Variants in ULK4 observed in about 807,000 individuals in gnomAD.
ULK4 encodes the protein inactive serine/threonine-protein kinase ULK4.
In ULK4, 133 loss-of-function variants were observed where a neutral mutation model predicts 160.6. The observed-to-expected ratio is 0.83, with a 90% CI of 0.72 to 0.96. The LOEUF (loss-of-function observed/expected upper bound fraction) is 0.96. ULK4 is among the 40% of genes least tolerant of loss of function. ULK4 has a pLI of 0.00. For missense variants in ULK4, 1,580 were observed against 1,499.5 expected, an observed-to-expected ratio of 1.05 and a Z score of -0.89; for synonymous variants, 534 against 539.8, an observed-to-expected ratio of 0.99 and a Z score of 0.15.
chr3:41,906,133 C>A (rs570720800), intron 12 of ULK4, among the ~76,000 whole-genome samples: 5 of 150,092 alleles, frequency 3.3e-5, no homozygotes, highest in African/African-American at 1.2e-4. Context: ...GGGAGAATGG[C>A]GTGAACCCGG....
chr3:41,444,420 T>A (rs1408639667), intron 34 of ULK4, among the ~76,000 whole-genome samples: 1 of 151,798 alleles, frequency 6.6e-6, no homozygotes, highest in Non-Finnish European at 1.5e-5. Context: ...TTACAGATAC[T>A]ATGTCTCATA....
intron 27 of ULK4, 124 bp downstream of exon 27, chr3:41,704,933 G>C (rs1328724904): frequency 4.9e-5 from 32 of 656,460 alleles, no homozygotes; most frequent in Non-Finnish European, 6.9e-5. Flanking sequence ...GGGTAGGGGG[G>C]TTCTGAATGG....
At chr3:41,652,270 C>A (rs931501414) in intron 30 of ULK4, among the ~76,000 whole-genome samples, 1 of 151,926 alleles carries the variant, frequency 6.6e-6, no homozygotes, top group Non-Finnish European at 1.5e-5. Context: ...AAGCTTAGAT[C>A]AATTACCTTT....
At chr3:41,249,934 A>T (rs2078714360) in intron 35 of ULK4, among the ~76,000 whole-genome samples, 1 of 152,190 alleles carries the variant, frequency 6.6e-6, no homozygotes, top group Admixed American at 6.5e-5. Flanking sequence ...GGGACTCAAG[A>T]GGCCTGGCTA....
rs1297840239 is a variant in ULK4 at position 41,767,463 on chromosome 3, T to C, written c.2194-12975A>G. Among the ~76,000 whole-genome samples the C allele has an allele frequency of 1.3e-5, 2 of 152,212 alleles. 1 individual carries two copies. The highest frequency in any genetic ancestry group is 4.1e-4 in the South Asian group (2 of 4,830). On this transcript the variant is annotated intron_variant, in intron 21 of 36. Transcript: ENST00000301831. ...CCAATTTTTGTTCACTAAGTTCAAT[T>C]AATCTGAATTTAGCTATGTCTTATC... is the stretch of plus-strand genomic sequence containing the variant.
At chr3:41,878,903 AT>A (rs368094243) in intron 17 of ULK4, among the ~76,000 whole-genome samples, 1,468 of 113,372 alleles carry the variant, frequency 0.013, 20 homozygotes, top group African/African-American at 0.036. Flanking sequence ...TCCCCAAGCC[AT>A]CCCCCCAAAA....
intron 30 of ULK4, among the ~76,000 whole-genome samples, chr3:41,619,904 G>C (rs984446270): frequency 9.9e-5 from 15 of 151,920 alleles, no homozygotes; most frequent in Admixed American, 5.2e-4. Flanking sequence ...GAATCAAATA[G>C]ACACAACAAA....
In ULK4 at chr3:41,904,431, A is replaced by AAAAT. The variant is rs1309178336; in HGVS notation, c.1182+3410_1182+3413dup. Reference sequence around the variant, plus strand: ...GTCACAGGAGTGAGGCTCTGTCTCAAAAATAAATAAATAAATAAATAGATA... The same window carrying AAAAT: ...GTCACAGGAGTGAGGCTCTGTCTCAAAAATAAATAAATAAATAAATAAATAGATA... On this transcript the variant is annotated intron_variant, in intron 12 of 36. Coordinates refer to ENST00000301831, the MANE Select transcript of ULK4 (RefSeq NM_017886.4). Among the ~76,000 whole-genome samples the AAAAT allele has an allele frequency of 1.8e-3, 262 of 148,890 alleles. 2 individuals carry two copies. The highest frequency in any genetic ancestry group is 5.7e-3 in the African/African-American group (231 of 40,860).
chr3:41,428,235 G>C (rs2082822166), intron 34 of ULK4, among the ~76,000 whole-genome samples: 2 of 152,106 alleles, frequency 1.3e-5, no homozygotes, highest in South Asian at 4.2e-4. Flanking sequence ...TCTTCAAGGA[G>C]AACTACAAAC....
chr3:41,556,488 T>C lies in ULK4; in HGVS notation c.3226+9537A>G, dbSNP rs1262939407. On this transcript the variant is annotated intron_variant, in intron 32 of 36. Coordinates refer to ENST00000301831, the MANE Select transcript of ULK4 (RefSeq NM_017886.4). ...ACTTCGCAAAGAAACTCTACCAAACTTTTTTTTTTTTTTTTTTTTGACAGA... is the reference window on the plus strand; with the variant it reads ...ACTTCGCAAAGAAACTCTACCAAACCTTTTTTTTTTTTTTTTTTTGACAGA... 5.3e-3 allele frequency among the ~76,000 whole-genome samples: 3 copies of C among 562 alleles called. No homozygotes were observed. The East Asian group carries it at 0.088, about 17-fold the overall frequency. 0.4% of individuals were successfully genotyped at this position (562 alleles called of 152,430 possible). A position where few individuals can be genotyped will look rare whatever the true frequency, so the allele number is the denominator to read the frequency against.
chr3:41,856,524 T>TAC (rs2042342848), intron 17 of ULK4, among the ~76,000 whole-genome samples: 1 of 122,470 alleles, frequency 8.2e-6, no homozygotes, highest in Non-Finnish European at 1.7e-5. Context: ...TATATATATA[T>TAC]ATATATATGT....
chr3:41,753,939 T>TG (rs2038709820), intron 22 of ULK4, among the ~76,000 whole-genome samples: 1 of 152,190 alleles, frequency 6.6e-6, no homozygotes, highest in Non-Finnish European at 1.5e-5. Context: ...GCCAGGAGGA[T>TG]GGAGTGAGTG....
At chr3:41,599,233 T>C (rs1659944996) in intron 31 of ULK4, among the ~76,000 whole-genome samples, 1 of 152,168 alleles carries the variant, frequency 6.6e-6, no homozygotes. Context: ...AGGATGAGGA[T>C]GAGCTAATGT....
chr3:41,563,476 C>T (rs1415574920), intron 32 of ULK4, among the ~76,000 whole-genome samples: 2 of 152,182 alleles, frequency 1.3e-5, no homozygotes, highest in Admixed American at 1.3e-4. Flanking sequence ...TCCATTCTCC[C>T]CGTCACGTTC....
chr3:41,426,351 T>C (rs1014902878), intron 34 of ULK4, among the ~76,000 whole-genome samples: 4 of 152,052 alleles, frequency 2.6e-5, no homozygotes, highest in African/African-American at 9.7e-5. Flanking sequence ...CCACTGTCAG[T>C]ACTACACAGA....
intron 21 of ULK4, among the ~76,000 whole-genome samples, chr3:41,775,742 A>C (rs186325189): frequency 8.6e-5 from 13 of 151,004 alleles, no homozygotes; most frequent in Admixed American, 2.0e-4. Flanking sequence ...ATAAATATGG[A>C]AATGAACTAC....
At chr3:41,831,418 G>GTTT (rs35015207) in intron 18 of ULK4, among the ~76,000 whole-genome samples, 4 of 137,568 alleles carry the variant, frequency 2.9e-5, no homozygotes, top group Non-Finnish European at 4.7e-5. Flanking sequence ...TATACTAGTC[G>GTTT]TTTTTTTTTT....
rs993220819 is a variant in ULK4 at position 41,776,628 on chromosome 3, TGAAGGG to T, written c.2193+13027_2193+13032del. 5.3e-5 allele frequency among the ~76,000 whole-genome samples: 6 copies of T among 114,126 alleles called. 1 individual carries two copies. Among genetic ancestry groups the T allele is most frequent in the Admixed American group, 1.7e-4 (2 of 11,872 alleles). 74.9% of individuals were successfully genotyped at this position (114,126 alleles called of 152,430 possible). ...CCTAATTTATTGAAAGTTTTTAGCA[TGAAGGG>T]TTGTTGAATTTTGTCAAAGGCTTTT... On this transcript the variant is annotated intron_variant, in intron 21 of 36. Transcript: ENST00000301831.
chr3:41,270,095 T>C (rs1032785668), intron 35 of ULK4, among the ~76,000 whole-genome samples: 3 of 152,166 alleles, frequency 2.0e-5, no homozygotes, highest in Non-Finnish European at 2.9e-5. Flanking sequence ...GCAAAGTTGT[T>C]AGCTAAAGTT....
Sources: gnomAD v4.1 joint callset for allele counts (sites outside exome capture counted in the v4.1 genomes callset) on GRCh38, gnomAD v4.1.1 for gene constraint, MANE v1.5 for transcripts, NCBI Gene and HGNC (gene_info 2026-07-23, HGNC 2026-07-21) for gene names.